Variants in PLXNA4 observed in about 807,000 individuals in gnomAD.
The protein encoded by PLXNA4 is plexin A4, also known as plexin-A4.
Under a neutral mutation model 191.8 loss-of-function variants are expected in PLXNA4, and 44 were observed. The observed-to-expected ratio is 0.23, with a 90% CI of 0.18 to 0.29. PLXNA4 has a LOEUF of 0.29. Ranked by LOEUF, PLXNA4 falls within the 10% of genes least tolerant of loss-of-function variation. PLXNA4 has a pLI of 1.00. For synonymous variants in PLXNA4, 1,082 were observed against 1,009.5 expected (o/e 1.07, Z -1.36); for missense variants, 1,800 against 2,488.8 (o/e 0.72, Z 5.89).
chr7:132,259,551 G>A (rs1413043626), intron 4 of PLXNA4, among the ~76,000 whole-genome samples: 1 of 151,364 alleles, frequency 6.6e-6, no homozygotes, highest in Non-Finnish European at 1.5e-5. Context: ...GGTACCTGTG[G>A]GATAAGGTGT....
intron 3 of PLXNA4, among the ~76,000 whole-genome samples, chr7:132,398,183 G>A (rs570142110): frequency 1.2e-3 from 184 of 152,196 alleles, no homozygotes; most frequent in Non-Finnish European, 2.1e-3. Context: ...TGCCATAGAC[G>A]CCTGATAATA....
intron 5 of PLXNA4, among the ~76,000 whole-genome samples, chr7:132,239,955 C>T (rs1457592610): frequency 2.0e-5 from 3 of 152,132 alleles, no homozygotes; most frequent in Non-Finnish European, 4.4e-5. Context: ...CTCACTATGC[C>T]TGAGACTGCC....
At chr7:132,435,684 T>C (rs2117218475) in intron 3 of PLXNA4, among the ~76,000 whole-genome samples, 1 of 152,338 alleles carries the variant, frequency 6.6e-6, no homozygotes, top group African/African-American at 2.4e-5. Flanking sequence ...TGTCTTTGTG[T>C]TGGTGAGCCT....
At chr7:132,344,491 T>G (rs1157096405) in intron 3 of PLXNA4, among the ~76,000 whole-genome samples, 2 of 152,158 alleles carry the variant, frequency 1.3e-5, no homozygotes, top group African/African-American at 2.4e-5. Context: ...GTGGAGCAAC[T>G]GCATGTGCCT....
Position 132,355,663 on chromosome 7 carries a change from G to A in PLXNA4, c.1372-57441C>T, listed in dbSNP as rs73436704. The stretch of plus-strand genomic sequence containing the variant: ...TCTCATGTAGTTTGTATCCTAGTGT[G>A]GGATGAGACAAGCAATTACAAATAG... On this transcript the variant is annotated intron_variant, in intron 3 of 31. Transcript: ENST00000321063. 3.3e-3 allele frequency among the ~76,000 whole-genome samples: 496 copies of A among 152,198 alleles called. 2 individuals are homozygous for A. The highest frequency in any genetic ancestry group is 0.011 in the African/African-American group (469 of 41,498).
At position 132,202,681 on chromosome 7, in the gene PLXNA4, C is replaced by T. The variant is rs2116863389; in HGVS notation, c.2551G>A (p.Ala851Thr). ...QESQWLELSG[A>T]KSKCTNPRIT... is the part of the protein sequence containing the mutation. ...CGGGGGTTTGTGCACTTGCTTTTGG[C>T]ACCAGACAGCTCCAGCCACTGGCTC... The change falls in exon 12 of 32, where the codon GCC (alanine) becomes ACC (threonine). Residue 851 changes from alanine to threonine, a missense_variant. Ala to Thr is a moderately conservative substitution (Grantham distance 58). Coordinates refer to ENST00000321063, the MANE Select transcript of PLXNA4 (RefSeq NM_020911.2). 1 of 1,559,426 alleles carries T rather than the reference C, an allele frequency of 6.4e-7. No homozygotes were observed. Among genetic ancestry groups the T allele is most frequent in the East Asian group, 2.3e-5 (1 of 43,152 alleles).
intron 3 of PLXNA4, among the ~76,000 whole-genome samples, chr7:132,462,836 ATTTTTTTT>A (rs57607720): frequency 3.4e-5 from 3 of 88,944 alleles, no homozygotes; most frequent in Non-Finnish European, 6.3e-5. Flanking sequence ...CATTTCTATA[ATTTTTTTT>A]TTTTTTTTTT....
At chr7:132,448,403 A>T (rs1206547855) in intron 3 of PLXNA4, among the ~76,000 whole-genome samples, 1 of 152,224 alleles carries the variant, frequency 6.6e-6, no homozygotes. Flanking sequence ...AAGTATTTAC[A>T]CCATAGAAAT....
intron 14 of PLXNA4, among the ~76,000 whole-genome samples, chr7:132,191,611 T>A (rs917113757): frequency 3.9e-5 from 6 of 152,168 alleles, no homozygotes; most frequent in African/African-American, 1.4e-4. Context: ...AACCTCAGGA[T>A]GGAAAGCTGC....
In PLXNA4 at chr7:132,356,885, G is replaced by A. The variant is rs569255333; in HGVS notation, c.1372-58663C>T. Among the ~76,000 whole-genome samples the A allele has an allele frequency of 1.9e-4, 29 of 152,300 alleles. No homozygotes were observed. In the South Asian group the frequency reaches 6.0e-3, roughly 32 times the overall value. On this transcript the variant is annotated intron_variant, in intron 3 of 31. Coordinates refer to ENST00000321063, the MANE Select transcript of PLXNA4 (RefSeq NM_020911.2). ...TGGAAGCTAGCCTTCCTTTTCTGAG[G>A]AAGGAACATGTATTAGAGAGTCAAA...
rs543662435 is a variant in PLXNA4, at chr7:132,133,868, A to G, written c.5439-669T>C. ...GAACTGAAAGGCCTCAGTGTCCCCA[A>G]AGACAGCCACTTCTCACCCTCTCCT... On this transcript the variant is annotated intron_variant, in intron 30 of 31. Coordinates refer to ENST00000321063, the MANE Select transcript of PLXNA4 (RefSeq NM_020911.2). 1.7e-4 allele frequency among the ~76,000 whole-genome samples: 26 copies of G among 152,276 alleles called. No homozygotes were observed. In the East Asian group the frequency reaches 4.4e-3, roughly 26 times the overall value.
intron 1 of PLXNA4, among the ~76,000 whole-genome samples, chr7:132,568,122 C>G (rs1290676915): frequency 6.6e-6 from 1 of 152,190 alleles, no homozygotes; most frequent in Admixed American, 6.5e-5. Context: ...TAGCTAGAAG[C>G]AATGACTTAC....
intron 9 of PLXNA4, among the ~76,000 whole-genome samples, chr7:132,221,720 T>C (rs577284768): frequency 1.3e-5 from 2 of 152,336 alleles, no homozygotes; most frequent in East Asian, 3.9e-4. Context: ...ACCACTCTCC[T>C]CCCTTTCCCT....
intron 1 of PLXNA4, among the ~76,000 whole-genome samples, chr7:132,571,066 A>G (rs1376276491): frequency 6.6e-6 from 1 of 152,090 alleles, no homozygotes; most frequent in Non-Finnish European, 1.5e-5. Context: ...GAAATAATGC[A>G]TGGAATAAAA....
intron 2 of PLXNA4, 132 bp from the exon 3 acceptor site, chr7:132,489,606 T>C: frequency 1.2e-6 from 1 of 862,146 alleles, no homozygotes; most frequent in Non-Finnish European, 1.7e-6. Flanking sequence ...CTTTTTTACA[T>C]GAAAAACGTC....
intron 3 of PLXNA4, among the ~76,000 whole-genome samples, chr7:132,449,508 C>T (rs958232258): frequency 7.9e-5 from 12 of 152,176 alleles, no homozygotes; most frequent in African/African-American, 2.9e-4. Context: ...GGAAACCATG[C>T]CCAAAGAGAT....
At chr7:132,329,386 C>T (rs565968784) in intron 3 of PLXNA4, among the ~76,000 whole-genome samples, 1 of 152,258 alleles carries the variant, frequency 6.6e-6, no homozygotes, top group South Asian at 2.1e-4. Flanking sequence ...TGTGTGTTTC[C>T]CTCATTTTAC....
chr7:132,589,300 ATTC>A (rs1802562675), intron 2 of PLXNA4, among the ~76,000 whole-genome samples: 1 of 152,156 alleles, frequency 6.6e-6, no homozygotes, highest in African/African-American at 2.4e-5. Flanking sequence ...TTAGAATGCA[ATTC>A]TTCTTGATTC....
chr7:132,222,143 C>T lies in PLXNA4; in HGVS notation c.2097+1384G>A, dbSNP rs375750601. ...CTCTCTCCAGACAACATCTCCACTC[C>T]TTGCTTTTACTTCTAAAATCAATCA... On this transcript the variant is annotated intron_variant, in intron 9 of 31. Coordinates refer to ENST00000321063, the MANE Select transcript of PLXNA4 (RefSeq NM_020911.2). Among the ~76,000 whole-genome samples, 95 of 152,350 alleles carry T rather than the reference C, an allele frequency of 6.2e-4. 1 individual carries two copies. In the South Asian group the frequency reaches 0.019, roughly 31 times the overall value.
Sources: gnomAD v4.1 joint callset for allele counts (sites outside exome capture counted in the v4.1 genomes callset) on GRCh38, gnomAD v4.1.1 for gene constraint, MANE v1.5 for transcripts, NCBI Gene and HGNC (gene_info 2026-07-23, HGNC 2026-07-21) for gene names.